Variants in TNS3 observed in about 807,000 individuals in gnomAD.
The protein encoded by TNS3 is tensin 3, also known as tensin-3.
TNS3 carries 45 observed loss-of-function variants against 140.9 expected under a neutral mutation model. The observed-to-expected ratio is 0.32, with a 90% CI of 0.25 to 0.41. The LOEUF (loss-of-function observed/expected upper bound fraction) is 0.41. Among genes scored for constraint, TNS3 ranks in the 10% least tolerant of loss-of-function variants. The pLI is 1.00. For missense variants in TNS3, 1,716 were observed against 1,906.7 expected, an observed-to-expected ratio of 0.90 and a Z score of 1.86; for synonymous variants, 815 against 788.4, an observed-to-expected ratio of 1.03 and a Z score of -0.56.
At chr7:47,373,099 T>TAGGGAAGGAGAA (rs1791172781) in intron 16 of TNS3, among the ~76,000 whole-genome samples, 1 of 152,174 alleles carries the variant, frequency 6.6e-6, no homozygotes, top group African/African-American at 2.4e-5. Context: ...AAGGGGCCTC[T>TAGGGAAGGAGAA]GGAACACACC....
chr7:47,436,772 A>T (rs972448517), intron 7 of TNS3, among the ~76,000 whole-genome samples: 4 of 152,146 alleles, frequency 2.6e-5, no homozygotes, highest in African/African-American at 7.2e-5. Flanking sequence ...GATTTATTCT[A>T]TACATATATT....
In TNS3 at chr7:47,397,030, C is replaced by A; in HGVS notation, c.920-126G>T. On this transcript the variant is annotated intron_variant, in intron 15 of 30. Transcript: ENST00000311160. ...GAGAGAGAAGCCTCTCCATCCTCCA[C>A]CCTCCTGCCAGGAGCCACAACACTA... 3 of 683,942 alleles carry A rather than the reference C, an allele frequency of 4.4e-6. No homozygotes were observed. The South Asian group carries it at 5.1e-5, about 12-fold the overall frequency. 42.4% of individuals were successfully genotyped at this position (683,942 alleles called of 1,614,324 possible).
At chr7:47,350,638 C>G (rs1236055099) in intron 17 of TNS3, among the ~76,000 whole-genome samples, 1 of 152,320 alleles carries the variant, frequency 6.6e-6, no homozygotes, top group East Asian at 1.9e-4. Flanking sequence ...GAGGCCAGCC[C>G]AGGGGCCACT....
intron 17 of TNS3, among the ~76,000 whole-genome samples, chr7:47,346,802 T>C (rs1179542820): frequency 1.3e-5 from 2 of 152,192 alleles, no homozygotes; most frequent in East Asian, 1.9e-4. Flanking sequence ...GGGCAGAGCA[T>C]GGCCCGACTA....
chr7:47,324,997 G>A (rs533629451), intron 20 of TNS3, among the ~76,000 whole-genome samples: 2 of 152,024 alleles, frequency 1.3e-5, no homozygotes, highest in Admixed American at 6.6e-5. Flanking sequence ...CTAGTAGGCA[G>A]CAGAAGTGAT....
intron 1 of TNS3, among the ~76,000 whole-genome samples, chr7:47,535,004 ATCTC>A (rs1799550566): frequency 6.6e-6 from 1 of 152,056 alleles, no homozygotes; most frequent in African/African-American, 2.4e-5. Flanking sequence ...TAACAAACAC[ATCTC>A]TCTATTGCAA....
intron 17 of TNS3, among the ~76,000 whole-genome samples, chr7:47,357,892 G>A (rs1325985422): frequency 1.3e-5 from 2 of 152,146 alleles, no homozygotes; most frequent in Non-Finnish European, 2.9e-5. Context: ...TCCACACAAC[G>A]AAGCCCTCCA....
At chr7:47,453,062 C>A (rs567161472) in intron 4 of TNS3, 1,264 of 985,516 alleles carry the variant, frequency 1.3e-3, no homozygotes, top group Middle Eastern at 2.1e-3. Flanking sequence ...CTCGGCAGCT[C>A]TGGGCATAAA....
chr7:47,482,066 C>T (rs1467140442), intron 3 of TNS3, among the ~76,000 whole-genome samples: 2 of 152,310 alleles, frequency 1.3e-5, no homozygotes, highest in Non-Finnish European at 2.9e-5. Context: ...AGGAGCCAGG[C>T]GCCAGCAAAC....
intron 4 of TNS3, among the ~76,000 whole-genome samples, chr7:47,460,560 T>A (rs1329015954): frequency 3.3e-5 from 5 of 152,160 alleles, no homozygotes; most frequent in Non-Finnish European, 7.4e-5. Context: ...CTGGAGATGC[T>A]CACCTGCCGC....
chr7:47,388,853 C>T (rs999467659), intron 16 of TNS3, among the ~76,000 whole-genome samples: 18 of 148,634 alleles, frequency 1.2e-4, no homozygotes, highest in East Asian at 5.9e-4. Context: ...GGTCTCAGAG[C>T]GAGATTTCCT....
intron 4 of TNS3, among the ~76,000 whole-genome samples, chr7:47,475,424 G>A (rs1375885163): frequency 6.6e-6 from 1 of 152,260 alleles, no homozygotes; most frequent in Non-Finnish European, 1.5e-5. Context: ...GCCCGGAGCT[G>A]GATCAGGCAC....
chr7:47,442,210 AG>A (rs1795500738), intron 4 of TNS3, among the ~76,000 whole-genome samples, 155 bp from the exon 5 acceptor site: 1 of 152,176 alleles, frequency 6.6e-6, no homozygotes, highest in South Asian at 2.1e-4. Context: ...TCACCTCAGA[AG>A]GGTCTACACC....
At chr7:47,488,275 C>A (rs1797684066) in intron 3 of TNS3, among the ~76,000 whole-genome samples, 1 of 152,204 alleles carries the variant, frequency 6.6e-6, no homozygotes, top group South Asian at 2.1e-4. Context: ...TCCCCTCATT[C>A]CCAGTGCTGA....
intron 17 of TNS3, among the ~76,000 whole-genome samples, chr7:47,367,337 C>T (rs1377156314): frequency 6.6e-6 from 1 of 152,236 alleles, no homozygotes; most frequent in Non-Finnish European, 1.5e-5. Flanking sequence ...TGACCACCTC[C>T]AGCTCTCTGG....
intron 2 of TNS3, among the ~76,000 whole-genome samples, chr7:47,519,557 T>C (rs895816197): frequency 2.0e-5 from 3 of 152,118 alleles, no homozygotes; most frequent in African/African-American, 7.2e-5. Context: ...CCCACACACA[T>C]GGGTGTGACT....
At chr7:47,568,458 A>G (rs990857840) in intron 1 of TNS3, among the ~76,000 whole-genome samples, 15 of 152,172 alleles carry the variant, frequency 9.9e-5, no homozygotes, top group African/African-American at 3.6e-4. Flanking sequence ...GTTTCTACAG[A>G]GTTAGTGAGG....
At position 47,368,813 on chromosome 7, in the gene TNS3, C is replaced by A. The variant is rs773772744; in HGVS notation, c.1833G>T (p.Leu611=). The change falls in exon 17 of 31, where the codon CTG becomes CTT. Residue 611 remains leucine (L), a synonymous_variant. Transcript: ENST00000311160. ...YSFAPDGEAR[L]VSRCPADNPG... The stretch of plus-strand genomic sequence containing the variant: ...GATTGTCTGCAGGGCAGCGGCTCAC[C>A]AGCCGGGCCTCCCCATCTGGGGCGA... 4 of 1,611,090 alleles carry A rather than the reference C, an allele frequency of 2.5e-6. No individual in the cohort carries two copies. The highest frequency in any genetic ancestry group is 1.3e-5 in the African/African-American group (1 of 74,922).
At chr7:47,330,517 G>T (rs939466974) in intron 20 of TNS3, among the ~76,000 whole-genome samples, 1 of 152,156 alleles carries the variant, frequency 6.6e-6, no homozygotes, top group Non-Finnish European at 1.5e-5. Flanking sequence ...GGGAGGGAGG[G>T]TGACACCAAA....
Sources: allele counts gnomAD v4.1 joint callset (sites outside exome capture counted in the v4.1 genomes callset), GRCh38; gene constraint gnomAD v4.1.1; transcripts MANE v1.5; gene names NCBI Gene and HGNC (gene_info 2026-07-23, HGNC 2026-07-21).